The following HHLA1 variants were observed in gnomAD, a reference collection of about 807,000 sequenced individuals.
HHLA1 encodes the protein HERV-H LTR-associating protein 1.
A neutral mutation model predicts 69.9 loss-of-function variants in HHLA1; 72 were observed. That is an observed-to-expected ratio of 1.03 (90% CI 0.85 to 1.25). The LOEUF (loss-of-function observed/expected upper bound fraction) is 1.25, where lower values mean the gene tolerates loss of function less well. Ranked by LOEUF, HHLA1 falls within the 50% of genes most tolerant of loss-of-function variation. The pLI, the probability that HHLA1 is intolerant of heterozygous loss-of-function variation, is 0.00. For synonymous variants in HHLA1, 252 were observed against 233.2 expected (o/e 1.08, Z -0.73); for missense variants, 685 against 642.2 (o/e 1.07, Z -0.72).
chr8:132,075,989 A>T, intron 14 of HHLA1, 66 bp downstream of exon 14: 2 of 1,180,884 alleles, frequency 1.7e-6, no homozygotes, highest in Non-Finnish European at 2.5e-6. Flanking sequence ...ACCTCTCCTT[A>T]TTCTACTACA....
At chr8:132,099,422 C>A (rs56293643) in intron 4 of HHLA1, among the ~76,000 whole-genome samples, 1 of 152,154 alleles carries the variant, frequency 6.6e-6, no homozygotes, top group Non-Finnish European at 1.5e-5. Flanking sequence ...CAGTACCTGG[C>A]CTTCATCTTC....
intron 11 of HHLA1, 134 bp from the exon 12 acceptor site, chr8:132,078,105 G>T: frequency 2.1e-6 from 2 of 949,532 alleles, no homozygotes; most frequent in South Asian, 1.7e-5. Flanking sequence ...TAATCCAGGG[G>T]CTTAAACTTT....
intron 1 of HHLA1, among the ~76,000 whole-genome samples, chr8:132,107,311 A>T (rs1297063362): frequency 1.3e-5 from 2 of 151,814 alleles, no homozygotes; most frequent in Non-Finnish European, 2.9e-5. Flanking sequence ...TTTTATTTTT[A>T]TTTTTTTGAG....
chr8:132,076,308 G>C (rs567596843), intron 13 of HHLA1, among the ~76,000 whole-genome samples, 167 bp downstream of exon 13: 1 of 152,290 alleles, frequency 6.6e-6, no homozygotes, highest in African/African-American at 2.4e-5. Flanking sequence ...AGCACGGCAA[G>C]GCTTATAAAC....
intron 7 of HHLA1, among the ~76,000 whole-genome samples, chr8:132,090,344 C>G (rs1215163063): frequency 3.3e-5 from 5 of 152,146 alleles, no homozygotes; most frequent in African/African-American, 4.8e-5. Context: ...TTCCACGATC[C>G]AGCAAATTCT....
intron 5 of HHLA1, among the ~76,000 whole-genome samples, chr8:132,097,434 C>T (rs140145505): frequency 1.1e-4 from 17 of 152,240 alleles, no homozygotes; most frequent in South Asian, 2.1e-4. Context: ...GCAATGGGCA[C>T]GCCTCAACGT....
At chr8:132,067,464 A>G (rs1823461235) in intron 15 of HHLA1, among the ~76,000 whole-genome samples, 1 of 152,094 alleles carries the variant, frequency 6.6e-6, no homozygotes, top group Admixed American at 6.5e-5. Flanking sequence ...GAGCTTACGA[A>G]CCTGTACTCT....
At chr8:132,105,469 T>G (rs1038831824) in intron 1 of HHLA1, among the ~76,000 whole-genome samples, 183 bp from the exon 2 acceptor site, 4 of 152,220 alleles carry the variant, frequency 2.6e-5, no homozygotes, top group Non-Finnish European at 4.4e-5. Context: ...CAAGAAAAGT[T>G]GATTTCTTGT....
At chr8:132,073,265 C>T (rs1317104591) in intron 14 of HHLA1, among the ~76,000 whole-genome samples, 2 of 152,152 alleles carry the variant, frequency 1.3e-5, no homozygotes, top group African/African-American at 4.8e-5. Flanking sequence ...AGGTGTAAAC[C>T]ACCACATCTG....
intron 15 of HHLA1, 135 bp downstream of exon 15, chr8:132,071,205 C>A: frequency 1.5e-6 from 1 of 680,742 alleles, no homozygotes. Context: ...TGGAGAGTCC[C>A]TTACCTTGAG....
intron 14 of HHLA1, among the ~76,000 whole-genome samples, chr8:132,073,043 G>T (rs1241121857): frequency 1.3e-5 from 2 of 152,154 alleles, no homozygotes; most frequent in African/African-American, 4.8e-5. Context: ...TACTTAATGA[G>T]TTCAATAATA....
Position 132,070,165 on chromosome 8 carries a change from G to C in HHLA1, c.1469+1175C>G, listed in dbSNP as rs1823509265. The C allele has an allele frequency of 5.4e-6, 3 of 557,536 alleles. No homozygotes were observed. In the African/African-American group the frequency reaches 5.7e-5, roughly 11 times the overall value. 34.5% of individuals were successfully genotyped at this position (557,536 alleles called of 1,614,324 possible). On this transcript the variant is annotated intron_variant, in intron 15 of 16. Transcript: ENST00000414222. ...AATAACATTAAAGACAGGAGAGATT[G>C]GTATCCAGGCCACTGGAGCAGGAGT...
chr8:132,095,493 C>T, intron 7 of HHLA1, 26 bp downstream of exon 7: 1 of 1,462,724 alleles, frequency 6.8e-7, no homozygotes, highest in Non-Finnish European at 9.3e-7. Context: ...GGAAAAGCTG[C>T]AAGCCTCATG....
chr8:132,106,540 C>T (rs1198597152), intron 1 of HHLA1, among the ~76,000 whole-genome samples: 1 of 152,212 alleles, frequency 6.6e-6, no homozygotes, highest in Non-Finnish European at 1.5e-5. Flanking sequence ...GTTAAGAGAA[C>T]TCTCACAGGG....
intron 5 of HHLA1, 125 bp downstream of exon 5, chr8:132,098,757 C>T: frequency 1.3e-5 from 8 of 638,734 alleles, no homozygotes; most frequent in South Asian, 9.7e-5. Flanking sequence ...CTATTCTCCA[C>T]TCTGAACACC....
chr8:132,094,304 T>G (rs1044002906), intron 7 of HHLA1, among the ~76,000 whole-genome samples: 8 of 152,224 alleles, frequency 5.3e-5, no homozygotes, highest in Non-Finnish European at 1.5e-5. Flanking sequence ...TTTTAAAATG[T>G]CAGATCATGT....
chr8:132,105,243 C>G lies in HHLA1; in HGVS notation c.23G>C (p.Gly8Ala), dbSNP rs1017410934. ...GCCCATGCACAGCTTCATTGAAGGA[C>G]CACGTGACAGGAAGCCCAGCATGCT... MLGFLSR[G>A]PSMKLCMGLA... The change falls in exon 2 of 17, where the codon GGT (glycine) becomes GCT (alanine). Residue 8 changes from glycine to alanine, a missense_variant. Gly to Ala is a moderately conservative substitution (Grantham distance 60, BLOSUM62 0). Coordinates refer to ENST00000414222, the MANE Select transcript of HHLA1 (RefSeq NM_001145095.3). The G allele has an allele frequency of 6.4e-7, 1 of 1,552,150 alleles. No individual in the cohort carries two copies. The highest frequency in any genetic ancestry group is 1.4e-5 in the African/African-American group (1 of 73,136).
At chr8:132,087,922 C>A (rs1309248103) in intron 8 of HHLA1, 21 bp from the exon 9 acceptor site, 2 of 1,535,190 alleles carry the variant, frequency 1.3e-6, no homozygotes, top group South Asian at 1.2e-5. Flanking sequence ...AACGAGTATA[C>A]AATAAGACTT....
intron 3 of HHLA1, among the ~76,000 whole-genome samples, chr8:132,100,863 G>A (rs1184840294): frequency 6.6e-6 from 1 of 152,158 alleles, no homozygotes; most frequent in East Asian, 1.9e-4. Flanking sequence ...GAGACCAGAA[G>A]GATCAGTTAT....
Sources: gnomAD v4.1 joint callset for allele counts (sites outside exome capture counted in the v4.1 genomes callset) on GRCh38, gnomAD v4.1.1 for gene constraint, MANE v1.5 for transcripts, NCBI Gene and HGNC (gene_info 2026-07-23, HGNC 2026-07-21) for gene names.